ANGPTL7: variants seen among roughly 807,000 people sequenced by gnomAD.
ANGPTL7 encodes angiopoietin-related protein 7.
ANGPTL7 carries 37 observed loss-of-function variants against 38.8 expected under a neutral mutation model. The observed-to-expected ratio is 0.95, with a 90% CI of 0.73 to 1.25. ANGPTL7 has a LOEUF of 1.25. Ranked by LOEUF, ANGPTL7 falls within the 50% of genes most tolerant of loss-of-function variation. The pLI, the probability that ANGPTL7 is intolerant of heterozygous loss-of-function variation, is 0.00. For synonymous variants in ANGPTL7, 166 were observed against 163.2 expected, an observed-to-expected ratio of 1.02 and a Z score of -0.13; for missense variants, 427 against 438.6, an observed-to-expected ratio of 0.97 and a Z score of 0.24.
At chr1:11,191,802 C>T (rs1335434104) in intron 1 of ANGPTL7, among the ~76,000 whole-genome samples, 1 of 152,044 alleles carries the variant, frequency 6.6e-6, no homozygotes, top group Non-Finnish European at 1.5e-5. Context: ...TGGCAGTAGC[C>T]ACCATCTCTG....
chr1:11,193,518 G>C (rs1338184629), intron 2 of ANGPTL7, 62 bp from the exon 3 acceptor site: 3 of 1,474,178 alleles, frequency 2.0e-6, no homozygotes, highest in Non-Finnish European at 2.7e-6. Flanking sequence ...TGGGAAGCCT[G>C]CCCTCTTGCT....
rs1645463678 is a variant in ANGPTL7 at position 11,189,947 on chromosome 1, C to T, written c.368C>T (p.Thr123Ile). Residue 123 changes from threonine (T) to isoleucine (I), a missense_variant, in exon 1 of 5, where the codon ACC (threonine) becomes ATC (isoleucine). Physicochemically the swap from Thr to Ile is moderately conservative, Grantham distance 89 (BLOSUM62 -1). Transcript: ENST00000376819. Reference sequence around the variant, plus strand: ...CAGGCAGCACAGACGGTCACTCAGACCTCCGCAGGTAAGGAGACCAGTCCC... The same window carrying T: ...CAGGCAGCACAGACGGTCACTCAGATCTCCGCAGGTAAGGAGACCAGTCCC... ...QLQAAQTVTQ[T>I]SADAIYDCSS... 1 of 1,608,278 alleles carries T rather than the reference C, an allele frequency of 6.2e-7. No homozygotes were observed. Among genetic ancestry groups the T allele is most frequent in the African/African-American group, 1.3e-5 (1 of 74,892 alleles).
chr1:11,194,654 G>T lies in ANGPTL7; in HGVS notation c.866G>T (p.Arg289Leu). The T allele has an allele frequency of 1.9e-6, 3 of 1,614,160 alleles. No homozygotes were observed. The highest frequency in any genetic ancestry group is 1.7e-6 in the Non-Finnish European group (2 of 1,180,014). Residue 289 changes from arginine (R) to leucine (L), a missense_variant, in exon 4 of 5, where the codon CGC becomes CTC. By Grantham distance (102) the Arg-to-Leu change is moderately radical. Coordinates refer to ENST00000376819, the MANE Select transcript of ANGPTL7 (RefSeq NM_021146.4). The part of the protein sequence containing the change: ...DNCLDKCAQL[R>L]KGGYWYNCCT... ...TGCTTGGACAAGTGTGCACAGCTCC[G>T]CAAAGGTGAGATTTGGGGGGACCGG...
At chr1:11,192,205 TA>T in intron 1 of ANGPTL7, 64 bp from the exon 2 acceptor site, 1 of 1,228,180 alleles carries the variant, frequency 8.1e-7, no homozygotes, top group Non-Finnish European at 1.2e-6. Flanking sequence ...GCTCAGTCTC[TA>T]AACACTCAAC....
chr1:11,195,938 T>C lies in ANGPTL7; in HGVS notation c.*915T>C, dbSNP rs543616901. On this transcript the variant is annotated 3_prime_UTR_variant, in exon 5 of 5. Transcript: ENST00000376819. ...AATATTGTGGTTTTGTTTTAAACAT[T>C]CAACGTTTCTTTTCCTTCTACAATA... 37 of 152,366 alleles carry C rather than the reference T, an allele frequency of 2.4e-4. No individual in the cohort carries two copies. Among genetic ancestry groups the C allele is most frequent in the African/African-American group, 8.9e-4 (37 of 41,598 alleles). The allele number at this position is 152,366 out of a possible 1,614,324, so 9.4% of individuals were successfully genotyped here. A position where few individuals can be genotyped will look rare whatever the true frequency, so the allele number is the denominator to read the frequency against.
At chr1:11,193,325 T>C (rs28991006) in intron 2 of ANGPTL7, among the ~76,000 whole-genome samples, 3 of 150,042 alleles carry the variant, frequency 2.0e-5, no homozygotes, top group Admixed American at 1.3e-4. Flanking sequence ...AAAAAAAAAG[T>C]ATCTGGATTT....
Position 11,195,163 on chromosome 1 carries a change from A to G in ANGPTL7, c.*140A>G. 1 of 951,140 alleles carries G rather than the reference A, an allele frequency of 1.1e-6. No individual in the cohort carries two copies. Among genetic ancestry groups the G allele is most frequent in the Middle Eastern group, 3.4e-4 (1 of 2,976 alleles). 58.9% of individuals were successfully genotyped at this position (951,140 alleles called of 1,614,324 possible). A position where few individuals can be genotyped will look rare whatever the true frequency, so the allele number is the denominator to read the frequency against. On this transcript the variant is annotated 3_prime_UTR_variant, in exon 5 of 5. Coordinates refer to ENST00000376819, the MANE Select transcript of ANGPTL7 (RefSeq NM_021146.4). ...ATCTCCAAAGAAAGAATAAGTCTCC[A>G]AGGAGCACAAAAAAATCATATGTAC...
At chr1:11,191,045 C>G (rs183324999) in intron 1 of ANGPTL7, among the ~76,000 whole-genome samples, 1 of 152,282 alleles carries the variant, frequency 6.6e-6, no homozygotes, top group Admixed American at 6.5e-5. Flanking sequence ...ACAAGTGAGT[C>G]CTGATTTGGT....
rs1350860121 is a variant in ANGPTL7, at chr1:11,194,672, G to T, written c.871+13G>T. 1.9e-6 allele frequency: 3 copies of T among 1,614,000 alleles called. No individual in the cohort carries two copies. ...CAGCTCCGCAAAGGTGAGATTTGGG[G>T]GGACCGGAAAGGAGAAGTTCAGGTA... is the stretch of plus-strand genomic sequence containing the variant. On this transcript the variant is annotated intron_variant, in intron 4 of 4. Transcript: ENST00000376819.
rs1426804133 is a variant in ANGPTL7, at chr1:11,194,894, T to C, written c.912T>C (p.Asn304=). The change falls in exon 5 of 5, where the codon AAT becomes AAC. Residue 304 remains asparagine (N), a synonymous_variant. Coordinates refer to ENST00000376819, the MANE Select transcript of ANGPTL7 (RefSeq NM_021146.4). ...WYNCCTDSNL[N]GVYYRLGEHN... ...ACTGCTGCACAGACTCCAACCTCAA[T>C]GGAGTGTACTACCGCCTGGGTGAGC... 10 of 1,614,106 alleles carry C rather than the reference T, an allele frequency of 6.2e-6. No individual in the cohort carries two copies. Among genetic ancestry groups the C allele is most frequent in the South Asian group, 3.3e-5 (3 of 91,078 alleles).
chr1:11,194,403 G>A, intron 3 of ANGPTL7, 58 bp from the exon 4 acceptor site: 1 of 1,537,146 alleles, frequency 6.5e-7, no homozygotes, highest in Admixed American at 1.7e-5. Flanking sequence ...AAGGGGTATA[G>A]AGACAGCATG....
Position 11,189,747 on chromosome 1 carries a change from T to G in ANGPTL7, c.168T>G (p.Val56=), listed in dbSNP as rs1645452422. ...AGGTGAAGGAGCTCAAGGCCCAAGT[T>G]GCCAACCTTAGCAGCCTGCTGAGTG... ...CEEVKELKAQ[V]ANLSSLLSEL... Residue 56 remains valine (V), a synonymous_variant, in exon 1 of 5, where the codon GTT becomes GTG. Transcript: ENST00000376819. 1 of 1,613,974 alleles carries G rather than the reference T, an allele frequency of 6.2e-7. No homozygotes were observed. Among genetic ancestry groups the G allele is most frequent in the South Asian group, 1.1e-5 (1 of 91,080 alleles).
At chr1:11,190,089 C>T (rs1645469960) in intron 1 of ANGPTL7, 134 bp downstream of exon 1, 2 of 1,065,368 alleles carry the variant, frequency 1.9e-6, no homozygotes, top group Non-Finnish European at 1.3e-6. Context: ...AAGGCTTATG[C>T]AGTATTTCCT....
In ANGPTL7 at chr1:11,192,293, C is replaced by G. The variant is rs536894023; in HGVS notation, c.400C>G (p.Leu134Val). Residue 134 changes from leucine (L) to valine (V), a missense_variant, in exon 2 of 5, where the codon CTC becomes GTC. Physicochemically the swap from Leu to Val is conservative, Grantham distance 32 (BLOSUM62 1). Transcript: ENST00000376819. ...AGATGCCATCTACGACTGCTCTTCC[C>G]TCTACCAGAAGAACTACCGCATCTC... ...SADAIYDCSS[L>V]YQKNYRISGV... is the part of the protein sequence containing the mutation. The G allele has an allele frequency of 1.7e-5, 27 of 1,614,002 alleles. No homozygotes were observed. The African/African-American group carries it at 3.5e-4, about 21-fold the overall frequency.
At chr1:11,192,421 C>T (rs773696473) in intron 2 of ANGPTL7, 51 bp downstream of exon 2, 2 of 1,435,224 alleles carry the variant, frequency 1.4e-6, no homozygotes, top group African/African-American at 1.4e-5. Flanking sequence ...CCTTCACCCC[C>T]TCAAGGGGAC....
chr1:11,194,853 G>C lies in ANGPTL7; in HGVS notation c.872-1G>C, dbSNP rs756344312. 3.1e-6 allele frequency: 5 copies of C among 1,613,820 alleles called. No individual in the cohort carries two copies. The East Asian group carries it at 8.9e-5, about 29-fold the overall frequency. On this transcript the variant is annotated splice_acceptor_variant, in intron 4 of 4. Coordinates refer to ENST00000376819, the MANE Select transcript of ANGPTL7 (RefSeq NM_021146.4). LOFTEE classifies it high-confidence loss of function. ...AGCACTGGGTCTGTTTCTCATGCCAGGTGGCTACTGGTACAACTGCTGCAC... is the reference window on the plus strand; with the variant it reads ...AGCACTGGGTCTGTTTCTCATGCCACGTGGCTACTGGTACAACTGCTGCAC...
In ANGPTL7 at chr1:11,193,642, C is replaced by T. The variant is rs556005000; in HGVS notation, c.540C>T (p.Gly180=). ...CCATCATCCAGAGACGAAAAAGTGG[C>T]CTTGTCTCCTTCTACCGGGACTGGA... The part of the protein sequence containing the change: ...GWTIIQRRKS[G]LVSFYRDWKQ... Residue 180 remains glycine, a synonymous_variant, in exon 3 of 5, where the codon GGC becomes GGT. Transcript: ENST00000376819. 1 of 1,613,518 alleles carries T rather than the reference C, an allele frequency of 6.2e-7. No individual in the cohort carries two copies. The highest frequency in any genetic ancestry group is 8.5e-7 in the Non-Finnish European group (1 of 1,179,700).
At chr1:11,194,699 A>G in intron 4 of ANGPTL7, 40 bp downstream of exon 4, 1 of 1,613,092 alleles carries the variant, frequency 6.2e-7, no homozygotes, top group Non-Finnish European at 8.5e-7. Flanking sequence ...GTTCAGGTAC[A>G]AGCTCATAAT....
At position 11,192,351 on chromosome 1, in the gene ANGPTL7, T is replaced by C; in HGVS notation, c.458T>C (p.Leu153Pro). The stretch of plus-strand genomic sequence containing the variant: ...TATAAGCTTCCTCCTGATGACTTCC[T>C]GGGCAGCCCTGAACTGGAGGTGAGG... ...GVYKLPPDDF[L>P]GSPELEVFCD... is the part of the protein sequence containing the mutation. Residue 153 changes from leucine (L) to proline (P), a missense_variant, in exon 2 of 5, where the codon CTG becomes CCG. Coordinates refer to ENST00000376819, the MANE Select transcript of ANGPTL7 (RefSeq NM_021146.4). The C allele has an allele frequency of 6.2e-7, 1 of 1,613,536 alleles. No homozygotes were observed. Among genetic ancestry groups the C allele is most frequent in the Non-Finnish European group, 8.5e-7 (1 of 1,179,540 alleles).
Sources: gnomAD v4.1 joint callset for allele counts (sites outside exome capture counted in the v4.1 genomes callset) on GRCh38, gnomAD v4.1.1 for gene constraint, MANE v1.5 for transcripts, NCBI Gene and HGNC (gene_info 2026-07-23, HGNC 2026-07-21) for gene names.